Variants in CCDC73 observed in about 807,000 individuals in gnomAD.
CCDC73 encodes the protein coiled-coil domain-containing protein 73.
A neutral mutation model predicts 116.5 loss-of-function variants in CCDC73; 95 were observed. That is an observed-to-expected ratio of 0.82 (90% confidence interval 0.69 to 0.97). CCDC73 has a LOEUF of 0.97. Ranked by LOEUF, CCDC73 falls within the 50% of genes least tolerant of loss-of-function variation. CCDC73 has a pLI of 0.00. For missense variants in CCDC73, 1,066 were observed against 1,206.8 expected (o/e 0.88, Z 1.73); for synonymous variants, 398 against 401.3 (o/e 0.99, Z 0.10).
intron 9 of CCDC73, among the ~76,000 whole-genome samples, chr11:32,674,579 T>C (rs1006372599): frequency 1.3e-5 from 2 of 152,204 alleles, no homozygotes; most frequent in African/African-American, 4.8e-5. Context: ...CTCAATAATG[T>C]CATCAAAGAA....
intron 6 of CCDC73, among the ~76,000 whole-genome samples, chr11:32,695,137 G>A (rs2133308092): frequency 6.6e-6 from 1 of 152,304 alleles, no homozygotes; most frequent in Middle Eastern, 3.4e-3. Flanking sequence ...GGGAAGCCAA[G>A]GTGGGTGGAT....
intron 2 of CCDC73, among the ~76,000 whole-genome samples, chr11:32,728,418 T>A (rs928963390): frequency 5.3e-5 from 8 of 152,156 alleles, no homozygotes; most frequent in African/African-American, 1.9e-4. Context: ...TGTATCCTTT[T>A]GACATTACGT....
intron 2 of CCDC73, among the ~76,000 whole-genome samples, chr11:32,719,395 A>G (rs1337064361): frequency 6.6e-6 from 1 of 152,198 alleles, no homozygotes; most frequent in African/African-American, 2.4e-5. Context: ...GCTGACCACT[A>G]ATATAACAGC....
chr11:32,660,245 A>C (rs960955036), intron 9 of CCDC73, among the ~76,000 whole-genome samples: 17 of 150,786 alleles, frequency 1.1e-4, no homozygotes, highest in African/African-American at 3.9e-4. Context: ...AAAAAAAAAA[A>C]AAAAAAAAAA....
At chr11:32,682,487 A>C (rs923394910) in intron 7 of CCDC73, 2 of 151,994 alleles carry the variant, frequency 1.3e-5, no homozygotes, top group Non-Finnish European at 2.9e-5. Flanking sequence ...AACAATTTCA[A>C]GAAGCAAAAT....
At chr11:32,670,466 G>A (rs1380969812) in intron 9 of CCDC73, among the ~76,000 whole-genome samples, 1 of 151,220 alleles carries the variant, frequency 6.6e-6, no homozygotes, top group African/African-American at 2.4e-5. Context: ...AGCTTGCAGT[G>A]AGCCAAGATT....
intron 9 of CCDC73, among the ~76,000 whole-genome samples, chr11:32,667,089 C>T (rs1855991360): frequency 6.6e-6 from 1 of 152,218 alleles, no homozygotes; most frequent in African/African-American, 2.4e-5. Context: ...GTGTGCCCCC[C>T]AGTTAGGCTA....
intron 2 of CCDC73, among the ~76,000 whole-genome samples, chr11:32,741,042 T>C (rs1372516603): frequency 6.6e-6 from 1 of 152,202 alleles, no homozygotes; most frequent in African/African-American, 2.4e-5. Flanking sequence ...AAATACTTGA[T>C]ATTATTTCAA....
intron 3 of CCDC73, among the ~76,000 whole-genome samples, chr11:32,705,815 T>C (rs952422937): frequency 1.3e-5 from 2 of 152,192 alleles, no homozygotes; most frequent in Non-Finnish European, 2.9e-5. Flanking sequence ...TATATCAAAA[T>C]TGGCTTAAAT....
intron 3 of CCDC73, among the ~76,000 whole-genome samples, chr11:32,710,691 C>T (rs113030598): frequency 0.03 from 4,570 of 152,200 alleles, 87 homozygotes; most frequent in Non-Finnish European, 0.04. Flanking sequence ...TGTAAATATA[C>T]GATAAGTCCA....
intron 2 of CCDC73, among the ~76,000 whole-genome samples, chr11:32,734,134 C>T (rs1054220043): frequency 2.0e-5 from 3 of 152,200 alleles, no homozygotes; most frequent in African/African-American, 4.8e-5. Context: ...TCAGAGAATA[C>T]TATAAACACC....
chr11:32,725,795 G>A (rs900401104), intron 2 of CCDC73, among the ~76,000 whole-genome samples: 9 of 152,094 alleles, frequency 5.9e-5, no homozygotes, highest in African/African-American at 2.2e-4. Flanking sequence ...ACAGAGAAGA[G>A]AACCTTAAAG....
the CCDC73 span, among the ~76,000 whole-genome samples, chr11:32,818,882 A>T: frequency 6.6e-6 from 1 of 152,320 alleles, no homozygotes; most frequent in African/African-American, 2.4e-5. Flanking sequence ...GACAGAAAGT[A>T]GGTTGGTGGT....
At chr11:32,788,997 C>T (rs115105361) in intron 1 of CCDC73, among the ~76,000 whole-genome samples, 1,574 of 152,214 alleles carry the variant, frequency 0.01, 26 homozygotes, top group African/African-American at 0.036. Flanking sequence ...ATATTGTTAA[C>T]TTTTAAACAT....
chr11:32,707,421 G>A (rs1247522045), intron 3 of CCDC73, among the ~76,000 whole-genome samples: 1 of 149,748 alleles, frequency 6.7e-6, no homozygotes, highest in Non-Finnish European at 1.5e-5. Flanking sequence ...TACGTGTTGT[G>A]CTTTCTATAC....
chr11:32,640,935 G>A (rs935193137), intron 13 of CCDC73, among the ~76,000 whole-genome samples: 3 of 151,992 alleles, frequency 2.0e-5, no homozygotes, highest in Non-Finnish European at 4.4e-5. Context: ...AGAATGGTGT[G>A]AACCCAGGAG....
intron 17 of CCDC73, among the ~76,000 whole-genome samples, chr11:32,609,860 A>G (rs1855397467): frequency 6.6e-6 from 1 of 151,758 alleles, no homozygotes; most frequent in South Asian, 2.1e-4. Flanking sequence ...GCTCACTGCA[A>G]GCTCCACCTC....
chr11:32,615,986 T>C lies in CCDC73; in HGVS notation c.1329A>G (p.Lys443=). 1 of 1,593,022 alleles carries C rather than the reference T, an allele frequency of 6.3e-7. No individual in the cohort carries two copies. The highest frequency in any genetic ancestry group is 8.6e-7 in the Non-Finnish European group (1 of 1,167,416). ...NFCSDTEYRE[K]EEKKEGSFIE... is the part of the protein sequence containing the mutation. ...TAAATGAGCCTTCTTTTTTTTCTTCTTTTTCTCTGTATTCAGTATCTGAAC... is the reference window on the plus strand; with the variant it reads ...TAAATGAGCCTTCTTTTTTTTCTTCCTTTTCTCTGTATTCAGTATCTGAAC... The change falls in exon 15 of 18, where the codon AAA becomes AAG. Residue 443 remains lysine (K), a synonymous_variant. Transcript: ENST00000335185.
At chr11:32,707,260 C>T (rs772760931) in intron 3 of CCDC73, among the ~76,000 whole-genome samples, 2 of 151,966 alleles carry the variant, frequency 1.3e-5, no homozygotes, top group Non-Finnish European at 2.9e-5. Flanking sequence ...AGTCAAAAAA[C>T]CCAGTGAATG....
Sources: gnomAD v4.1 joint callset for allele counts (sites outside exome capture counted in the v4.1 genomes callset) on GRCh38, gnomAD v4.1.1 for gene constraint, MANE v1.5 for transcripts, NCBI Gene and HGNC (gene_info 2026-07-23, HGNC 2026-07-21) for gene names.